The following BACH2 variants were observed in gnomAD, a reference collection of about 807,000 sequenced individuals.
BACH2 encodes the protein transcription regulator protein BACH2.
Under a neutral mutation model 61.8 loss-of-function variants are expected in BACH2, and 5 were observed. That is an observed-to-expected ratio of 0.08 (90% CI 0.04 to 0.17). The LOEUF is 0.17. Ranked by LOEUF, BACH2 falls within the 10% of genes least tolerant of loss-of-function variation. BACH2 has a pLI of 1.00. For missense variants in BACH2, 824 were observed against 1,091.1 expected (o/e 0.76, Z 3.45); for synonymous variants, 446 against 440.1 (o/e 1.01, Z -0.17).
Position 89,927,198 on chromosome 6 carries a change from A to T in BACH2, c.*5210T>A, listed in dbSNP as rs548449825. Reference sequence around the variant, plus strand: ...GAATGGCTCACTGTGTCTAACAAGCACCTGAAGCTCCCAAATGCATATGGA... The same window carrying T: ...GAATGGCTCACTGTGTCTAACAAGCTCCTGAAGCTCCCAAATGCATATGGA... On this transcript the variant is annotated 3_prime_UTR_variant, in exon 9 of 9. Coordinates refer to ENST00000257749, the MANE Select transcript of BACH2 (RefSeq NM_021813.4). 1 of 152,944 alleles carries T rather than the reference A, an allele frequency of 6.5e-6. No individual in the cohort carries two copies. The highest frequency in any genetic ancestry group is 1.9e-4 in the East Asian group (1 of 5,324). 9.5% of individuals were successfully genotyped at this position (152,944 alleles called of 1,614,324 possible).
intron 4 of BACH2, among the ~76,000 whole-genome samples, chr6:90,100,103 A>G (rs1253516884): frequency 6.6e-6 from 1 of 152,198 alleles, no homozygotes; most frequent in Non-Finnish European, 1.5e-5. Context: ...GCAAATGTCA[A>G]TATTTCATCC....
At chr6:90,059,257 T>A (rs1289570235) in intron 5 of BACH2, among the ~76,000 whole-genome samples, 1 of 152,210 alleles carries the variant, frequency 6.6e-6, no homozygotes, top group Non-Finnish European at 1.5e-5. Context: ...GAATCTACAA[T>A]GAACTCCAAC....
intron 4 of BACH2, among the ~76,000 whole-genome samples, chr6:90,124,873 C>A (rs1173503320): frequency 2.6e-5 from 4 of 152,180 alleles, no homozygotes; most frequent in African/African-American, 9.7e-5. Flanking sequence ...GCCCAGTGAC[C>A]TTGCACACGA....
At chr6:89,986,173 G>C (rs1776227127) in intron 6 of BACH2, among the ~76,000 whole-genome samples, 1 of 152,142 alleles carries the variant, frequency 6.6e-6, no homozygotes, top group Non-Finnish European at 1.5e-5. Flanking sequence ...ATGGATGGGG[G>C]AGCTCTGTAA....
At chr6:90,039,579 T>A (rs1371461850) in intron 5 of BACH2, among the ~76,000 whole-genome samples, 1 of 151,980 alleles carries the variant, frequency 6.6e-6, no homozygotes. Context: ...AGAGACGGGG[T>A]TTCATCGTGT....
chr6:90,209,269 T>C lies in BACH2; in HGVS notation c.-274-2588A>G, dbSNP rs1409591262. Among the ~76,000 whole-genome samples the C allele has an allele frequency of 3.5e-5, 5 of 144,222 alleles. No homozygotes were observed. In the Admixed American group the frequency reaches 3.5e-4, roughly 10 times the overall value. The allele number at this position is 144,222 out of a possible 152,430, so 94.6% of individuals were successfully genotyped here. A position where few individuals can be genotyped will look rare whatever the true frequency, so the allele number is the denominator to read the frequency against. On this transcript the variant is annotated intron_variant, in intron 3 of 8. Transcript: ENST00000257749. ...TTAACAATAATGTACAACACAGATCTTGGAATTCCAACTTTGTAGTACGAA... is the reference window on the plus strand; with the variant it reads ...TTAACAATAATGTACAACACAGATCCTGGAATTCCAACTTTGTAGTACGAA...
chr6:90,151,379 G>A (rs1784806213), intron 4 of BACH2, among the ~76,000 whole-genome samples: 1 of 152,100 alleles, frequency 6.6e-6, no homozygotes, highest in Non-Finnish European at 1.5e-5. Context: ...CGACCTCCCA[G>A]GCTCAACTGA....
chr6:89,971,487 A>G (rs1775355616), intron 6 of BACH2, among the ~76,000 whole-genome samples: 1 of 152,202 alleles, frequency 6.6e-6, no homozygotes, highest in African/African-American at 2.4e-5. Flanking sequence ...GTTCTAGGCT[A>G]TTGGGACAGA....
rs1777540721 is a variant in BACH2, at chr6:90,008,656, C to A, written c.189G>T (p.Trp63Cys). 1.2e-6 allele frequency: 2 copies of A among 1,614,104 alleles called. No individual in the cohort carries two copies. Among genetic ancestry groups the A allele is most frequent in the Non-Finnish European group, 1.7e-6 (2 of 1,180,048 alleles). ...AVLAACSEYFWQALVGQTKND... is the reference protein window; with the variant it reads ...AVLAACSEYFCQALVGQTKND... ...TTTTTGTCTGTCCAACCAGCGCCTGCCAAAAATATTCACTGCATGCGGCCA... is the reference window on the plus strand; with the variant it reads ...TTTTTGTCTGTCCAACCAGCGCCTGACAAAAATATTCACTGCATGCGGCCA... The change falls in exon 6 of 9, where the codon TGG (tryptophan) becomes TGT (cysteine). Residue 63 changes from tryptophan to cysteine, a missense_variant. Trp to Cys is a radical substitution (Grantham distance 215). Coordinates refer to ENST00000257749, the MANE Select transcript of BACH2 (RefSeq NM_021813.4). The surrounding 1 kb of genome is among the most constrained non-coding windows in gnomAD (Gnocchi z 4.1).
intron 4 of BACH2, among the ~76,000 whole-genome samples, chr6:90,095,992 C>G (rs1401835693): frequency 6.6e-6 from 1 of 152,140 alleles, no homozygotes; most frequent in African/African-American, 2.4e-5. Context: ...AAGGCTACCT[C>G]CTTTCCTGTA....
chr6:90,236,612 T>C (rs1344118873), intron 3 of BACH2, among the ~76,000 whole-genome samples: 1 of 152,184 alleles, frequency 6.6e-6, no homozygotes, highest in Non-Finnish European at 1.5e-5. Flanking sequence ...GGGCTGGCCA[T>C]ATGTGCAAAG....
At chr6:89,982,489 C>T (rs554539888) in intron 6 of BACH2, among the ~76,000 whole-genome samples, 1 of 152,116 alleles carries the variant, frequency 6.6e-6, no homozygotes, top group Non-Finnish European at 1.5e-5. Context: ...AGATAAAAGT[C>T]TGATTTGGAT....
At chr6:90,228,435 T>C (rs1274052316) in intron 3 of BACH2, among the ~76,000 whole-genome samples, 1 of 152,240 alleles carries the variant, frequency 6.6e-6, no homozygotes, top group Non-Finnish European at 1.5e-5. Context: ...AAGCAACATG[T>C]ATTAAAATCA....
intron 4 of BACH2, among the ~76,000 whole-genome samples, chr6:90,200,247 G>T (rs966362966): frequency 1.3e-5 from 2 of 152,036 alleles, no homozygotes; most frequent in African/African-American, 4.8e-5. Context: ...AGGGTCTAAG[G>T]GTGCCCCTCC....
At chr6:90,206,267 G>A (rs1448129635) in intron 4 of BACH2, among the ~76,000 whole-genome samples, 1 of 152,132 alleles carries the variant, frequency 6.6e-6, no homozygotes, top group Non-Finnish European at 1.5e-5. Flanking sequence ...TTTAGTCCCA[G>A]GAAATCTAGC....
chr6:90,059,963 C>T (rs1230335335), intron 5 of BACH2, among the ~76,000 whole-genome samples: 1 of 113,192 alleles, frequency 8.8e-6, no homozygotes, highest in East Asian at 2.5e-4. Flanking sequence ...CAACACACAC[C>T]AGGGACTGTT....
intron 5 of BACH2, among the ~76,000 whole-genome samples, chr6:90,032,440 T>G (rs76196222): frequency 1.2e-3 from 120 of 101,390 alleles, no homozygotes; most frequent in African/African-American, 4.8e-3. Context: ...TTGGAGGAAA[T>G]TTTTGTAATC....
intron 3 of BACH2, among the ~76,000 whole-genome samples, chr6:90,239,767 A>G (rs1770377759): frequency 6.6e-6 from 1 of 150,550 alleles, no homozygotes; most frequent in Non-Finnish European, 1.5e-5. Flanking sequence ...CAGCACTGAC[A>G]TGCATGATCT....
At position 90,004,392 on chromosome 6, in the gene BACH2, C is replaced by T. The variant is rs79203691; in HGVS notation, c.243+4210G>A. Reference sequence around the variant, plus strand: ...AAAACATAAGGTCTACCTGCAGGGGCCATACTCACCCCCAGCCTGTAGCTG... The same window carrying T: ...AAAACATAAGGTCTACCTGCAGGGGTCATACTCACCCCCAGCCTGTAGCTG... On this transcript the variant is annotated intron_variant, in intron 6 of 8. Coordinates refer to ENST00000257749, the MANE Select transcript of BACH2 (RefSeq NM_021813.4). Among the ~76,000 whole-genome samples, 445 of 152,252 alleles carry T rather than the reference C, an allele frequency of 2.9e-3. 14 individuals are homozygous for T. In the East Asian group the frequency reaches 0.079, roughly 27 times the overall value.
Sources: gnomAD v4.1 joint callset for allele counts (sites outside exome capture counted in the v4.1 genomes callset) on GRCh38, gnomAD v4.1.1 for gene constraint, Gnocchi (gnomAD v3.1) non-coding constraint, MANE v1.5 for transcripts, NCBI Gene and HGNC (gene_info 2026-07-23, HGNC 2026-07-21) for gene names.